ANKRD62: variants seen among roughly 807,000 people sequenced by gnomAD.
The protein encoded by ANKRD62 is ankyrin repeat domain-containing protein 62.
ANKRD62 carries 61 observed loss-of-function variants against 98.8 expected under a neutral mutation model. That is an observed-to-expected ratio of 0.62 (90% CI 0.50 to 0.76). ANKRD62 has a LOEUF of 0.76. ANKRD62 is among the 30% of genes least tolerant of loss of function. The pLI, the probability that ANKRD62 is intolerant of heterozygous loss-of-function variation, is 0.00. For synonymous variants in ANKRD62, 341 were observed against 367.9 expected (o/e 0.93, Z 0.84); for missense variants, 933 against 1,082.9 (o/e 0.86, Z 1.94).
chr18:12,145,057 T>C, the ANKRD62 span, among the ~76,000 whole-genome samples: 1 of 151,916 alleles, frequency 6.6e-6, no homozygotes, highest in Non-Finnish European at 1.5e-5. Flanking sequence ...GCTGGAGAAT[T>C]GCTTGAACCC....
At position 12,115,501 on chromosome 18, in the gene ANKRD62, T is replaced by A. The variant is rs1341595046; in HGVS notation, c.1207T>A (p.Leu403Ile). Reference sequence around the variant, plus strand: ...TTACTCTGATGATGAGAATTTTATGTTACTCATTGAACAAAGTGGAATGGA... The same window carrying A: ...TTACTCTGATGATGAGAATTTTATGATACTCATTGAACAAAGTGGAATGGA... The part of the protein sequence containing the change: ...LPYSDDENFM[L>I]LIEQSGMECK... The change falls in exon 10 of 14, where the codon TTA (leucine) becomes ATA (isoleucine). Residue 403 changes from leucine to isoleucine, a missense_variant. Physicochemically the swap from Leu to Ile is conservative, Grantham distance 5. This residue lies in a region of ANKRD62 where 549 missense variants were observed against 587.9 expected (regional missense o/e 0.93). Coordinates refer to ENST00000587848, the MANE Select transcript of ANKRD62 (RefSeq NM_001277333.2). The A allele has an allele frequency of 6.5e-7, 1 of 1,537,532 alleles. No homozygotes were observed. The highest frequency in any genetic ancestry group is 8.7e-7 in the Non-Finnish European group (1 of 1,146,436).
downstream of ANKRD62, among the ~76,000 whole-genome samples, chr18:12,132,479 CT>C (rs1279681381): frequency 6.6e-6 from 1 of 151,850 alleles, no homozygotes; most frequent in Non-Finnish European, 1.5e-5. Flanking sequence ...TCCCAACTCC[CT>C]TTTAAAAAGT....
chr18:12,106,232 TTAA>T (rs2143905904), intron 7 of ANKRD62, among the ~76,000 whole-genome samples: 1 of 152,334 alleles, frequency 6.6e-6, no homozygotes, highest in East Asian at 1.9e-4. Flanking sequence ...GTGATTTTGT[TTAA>T]TAGAGCATAA....
chr18:12,161,970 A>T, the ANKRD62 span, among the ~76,000 whole-genome samples: 1 of 152,168 alleles, frequency 6.6e-6, no homozygotes, highest in Non-Finnish European at 1.5e-5. Flanking sequence ...GCTATTGTGA[A>T]CAGTGCTGCA....
At chr18:12,115,161 A>G in intron 9 of ANKRD62, 40 bp downstream of exon 9, 2 of 1,378,444 alleles carry the variant, frequency 1.5e-6, no homozygotes, top group South Asian at 1.8e-5. Flanking sequence ...TGTTGAACAT[A>G]CCTTAAAAAA....
Position 12,115,495 on chromosome 18 carries a change from T to A in ANKRD62, c.1201T>A (p.Phe401Ile). 6.5e-7 allele frequency: 1 copy of A among 1,537,658 alleles called. No homozygotes were observed. Residue 401 changes from phenylalanine to isoleucine, a missense_variant, in exon 10 of 14, where the codon TTT (phenylalanine) becomes ATT (isoleucine). Coordinates refer to ENST00000587848, the MANE Select transcript of ANKRD62 (RefSeq NM_001277333.2). ...GTTGCCTTACTCTGATGATGAGAATTTTATGTTACTCATTGAACAAAGTGG... is the reference window on the plus strand; with the variant it reads ...GTTGCCTTACTCTGATGATGAGAATATTATGTTACTCATTGAACAAAGTGG... ...DELPYSDDEN[F>I]MLLIEQSGME...
intron 6 of ANKRD62, chr18:12,102,298 A>C: frequency 5.5e-6 from 4 of 731,574 alleles, no homozygotes; most frequent in Non-Finnish European, 1.0e-5. Context: ...GCAACCTGGG[A>C]ACCAGAATGG....
chr18:12,117,907 C>T (rs995013018), intron 10 of ANKRD62, among the ~76,000 whole-genome samples: 5 of 152,128 alleles, frequency 3.3e-5, no homozygotes, highest in Non-Finnish European at 7.4e-5. Flanking sequence ...ATTATAAAGA[C>T]TTTATTTATC....
Position 12,100,607 on chromosome 18 carries a change from C to G in ANKRD62, c.820+925C>G, listed in dbSNP as rs114772286. Among the ~76,000 whole-genome samples the G allele has an allele frequency of 9.8e-3, 1,487 of 152,196 alleles. 20 individuals are homozygous for G. Among genetic ancestry groups the G allele is most frequent in the African/African-American group, 0.033 (1,387 of 41,506 alleles). ...TGAACAAACATCAATAAGAACTGTA[C>G]CAATACCAATAGGATGTTATTTTTT... On this transcript the variant is annotated intron_variant, in intron 6 of 13. Transcript: ENST00000587848.
chr18:12,170,681 T>C, the ANKRD62 span, among the ~76,000 whole-genome samples: 1 of 152,212 alleles, frequency 6.6e-6, no homozygotes, highest in Non-Finnish European at 1.5e-5. Flanking sequence ...GTCCTGGATA[T>C]CCTTGTTAAC....
chr18:12,109,104 C>T (rs541310876), intron 8 of ANKRD62, among the ~76,000 whole-genome samples: 2 of 152,324 alleles, frequency 1.3e-5, no homozygotes, highest in South Asian at 2.1e-4. Context: ...CACAGCTCTT[C>T]GAAGCAGTGC....
At chr18:12,152,225 A>G in the ANKRD62 span, among the ~76,000 whole-genome samples, 2 of 151,570 alleles carry the variant, frequency 1.3e-5, no homozygotes, top group Admixed American at 1.3e-4. Flanking sequence ...ACTCCTCCCA[A>G]ACACATTCTA....
chr18:12,173,029 G>A, the ANKRD62 span, among the ~76,000 whole-genome samples: 1 of 152,234 alleles, frequency 6.6e-6, no homozygotes, highest in South Asian at 2.1e-4. Flanking sequence ...GGCTAGGAAA[G>A]AGAATTCTCT....
chr18:12,167,535 T>C, the ANKRD62 span, among the ~76,000 whole-genome samples: 5 of 152,234 alleles, frequency 3.3e-5, no homozygotes, highest in African/African-American at 1.2e-4. Flanking sequence ...CAGTCTATCA[T>C]TGATGGACAT....
chr18:12,123,036 T>G (rs577140994), intron 11 of ANKRD62, among the ~76,000 whole-genome samples: 131 of 151,482 alleles, frequency 8.6e-4, no homozygotes, highest in South Asian at 1.9e-3. Context: ...AACCAGTTTT[T>G]TTTGTTTGTT....
At chr18:12,103,286 A>C (rs1347906275) in intron 7 of ANKRD62, 58 bp downstream of exon 7, 1 of 1,104,256 alleles carries the variant, frequency 9.1e-7, no homozygotes, top group Non-Finnish European at 1.2e-6. Context: ...GCATAATCCA[A>C]ATGAAATTAC....
chr18:12,123,234 A>G (rs952724058), intron 11 of ANKRD62, among the ~76,000 whole-genome samples: 2 of 150,596 alleles, frequency 1.3e-5, no homozygotes, highest in African/African-American at 2.4e-5. Flanking sequence ...TTTTTTTTTA[A>G]GTAGAGATGA....
rs951193450 is a variant in ANKRD62 at position 12,096,078 on chromosome 18, T to A, written c.508-118T>A. On this transcript the variant is annotated intron_variant, in intron 3 of 13. Coordinates refer to ENST00000587848, the MANE Select transcript of ANKRD62 (RefSeq NM_001277333.2). ...CACAGTGGAGTGAGAAGGAAGGGAT[T>A]GCTTTTTATTTACTTTCTGCTTCAT... 64 of 711,036 alleles carry A rather than the reference T, an allele frequency of 9.0e-5. 1 individual carries two copies. The African/African-American group carries it at 1.1e-3, about 12-fold the overall frequency. 44.0% of individuals were successfully genotyped at this position (711,036 alleles called of 1,614,324 possible).
the ANKRD62 span, among the ~76,000 whole-genome samples, chr18:12,136,587 A>T: frequency 6.6e-6 from 1 of 152,136 alleles, no homozygotes; most frequent in South Asian, 2.1e-4. Context: ...GAAGAAAGTC[A>T]TTGGTAGCTT....
Sources: gnomAD v4.1 joint callset for allele counts (sites outside exome capture counted in the v4.1 genomes callset) on GRCh38, gnomAD v4.1.1 for gene constraint, gnomAD v4.1.1 regional missense constraint, MANE v1.5 for transcripts, NCBI Gene and HGNC (gene_info 2026-07-23, HGNC 2026-07-21) for gene names.